Variants in CNBD1 observed in about 807,000 individuals in gnomAD.
CNBD1 encodes the protein cyclic nucleotide binding domain containing 1.
In CNBD1, 71 loss-of-function variants were observed where a neutral mutation model predicts 54.4. The ratio of observed to expected loss-of-function variants is 1.30; its 90% CI spans 1.08 to 1.59. The LOEUF (loss-of-function observed/expected upper bound fraction) is 1.59. CNBD1 is among the 40% of genes most tolerant of loss of function. CNBD1 has a pLI of 0.00. For synonymous variants in CNBD1, 182 were observed against 170.7 expected (o/e 1.07, Z -0.51); for missense variants, 659 against 518.0 (o/e 1.27, Z -2.64).
chr8:87,188,621 G>T (rs962184816), intron 4 of CNBD1, among the ~76,000 whole-genome samples: 1 of 151,856 alleles, frequency 6.6e-6, no homozygotes, highest in East Asian at 1.9e-4. Flanking sequence ...AGCTACTTGG[G>T]AGACCGAGGT....
chr8:87,328,042 A>T (rs996652745), intron 8 of CNBD1, among the ~76,000 whole-genome samples: 1 of 151,924 alleles, frequency 6.6e-6, no homozygotes, highest in East Asian at 1.9e-4. Flanking sequence ...ATAGGTATAT[A>T]TATACCATGG....
At chr8:87,161,675 A>G (rs1374265374) in intron 4 of CNBD1, among the ~76,000 whole-genome samples, 1 of 152,110 alleles carries the variant, frequency 6.6e-6, no homozygotes, top group African/African-American at 2.4e-5. Context: ...GAATTCTCTG[A>G]AGATTTTAAA....
At chr8:86,964,906 G>A (rs1004521604) in intron 4 of CNBD1, among the ~76,000 whole-genome samples, 3 of 152,066 alleles carry the variant, frequency 2.0e-5, no homozygotes, top group Admixed American at 6.5e-5. Flanking sequence ...ATAGTCCAAG[G>A]TCCCTTCACA....
At chr8:87,321,481 A>C (rs1022090112) in intron 8 of CNBD1, among the ~76,000 whole-genome samples, 1 of 152,112 alleles carries the variant, frequency 6.6e-6, no homozygotes, top group African/African-American at 2.4e-5. Flanking sequence ...CCTGTTCTAC[A>C]TTTGGATGTC....
At chr8:87,420,522 A>C (rs956075094) in intron 2 of CNBD1, among the ~76,000 whole-genome samples, 13 of 152,110 alleles carry the variant, frequency 8.5e-5, no homozygotes, top group Non-Finnish European at 1.9e-4. Flanking sequence ...ATTACATGTC[A>C]AAGTTTGCTG....
At chr8:86,952,918 GTC>G (rs748058663) in intron 4 of CNBD1, among the ~76,000 whole-genome samples, 111 of 152,224 alleles carry the variant, frequency 7.3e-4, no homozygotes, top group Non-Finnish European at 1.1e-3. Flanking sequence ...TCTGCTTTCT[GTC>G]AGTAAACTTT....
At chr8:86,940,158 G>GTA (rs10644717) in intron 4 of CNBD1, among the ~76,000 whole-genome samples, 4 of 117,978 alleles carry the variant, frequency 3.4e-5, no homozygotes, top group South Asian at 3.0e-4. Flanking sequence ...TTTTGAGACT[G>GTA]TTGCTCTTGT....
At chr8:87,406,447 T>TACACACACACACAC (rs36222951) in intron 2 of CNBD1, among the ~76,000 whole-genome samples, 2 of 122,156 alleles carry the variant, frequency 1.6e-5, no homozygotes, top group African/African-American at 7.2e-5. Flanking sequence ...TATGTGTGTA[T>TACACACACACACAC]ACACACACAC....
At chr8:87,293,794 T>G (rs1808827066) in intron 8 of CNBD1, among the ~76,000 whole-genome samples, 1 of 152,114 alleles carries the variant, frequency 6.6e-6, no homozygotes, top group Non-Finnish European at 1.5e-5. Context: ...GGAGAGAGGA[T>G]TTTTTGGATA....
chr8:87,248,028 C>A (rs1807842478), intron 6 of CNBD1, among the ~76,000 whole-genome samples: 1 of 152,158 alleles, frequency 6.6e-6, no homozygotes, highest in African/African-American at 2.4e-5. Flanking sequence ...ACCAATTTTC[C>A]TGATGTGTAA....
At chr8:87,003,776 C>A (rs1259602198) in intron 4 of CNBD1, among the ~76,000 whole-genome samples, 2 of 152,122 alleles carry the variant, frequency 1.3e-5, no homozygotes, top group Non-Finnish European at 2.9e-5. Context: ...ACTAGGGTCA[C>A]CTGCTGGCTG....
chr8:87,222,781 T>A (rs1336220657), intron 5 of CNBD1, among the ~76,000 whole-genome samples: 1 of 152,110 alleles, frequency 6.6e-6, no homozygotes, highest in Non-Finnish European at 1.5e-5. Flanking sequence ...AAACTTTCTC[T>A]AACTAGTATT....
chr8:87,014,460 A>G (rs927526657), intron 4 of CNBD1, among the ~76,000 whole-genome samples: 3 of 152,116 alleles, frequency 2.0e-5, no homozygotes, highest in Admixed American at 1.3e-4. Flanking sequence ...ATTGGTATAA[A>G]TACCCTTAAA....
intron 8 of CNBD1, among the ~76,000 whole-genome samples, chr8:87,335,711 G>C (rs563275662): frequency 3.9e-5 from 6 of 152,240 alleles, no homozygotes; most frequent in African/African-American, 1.2e-4. Context: ...TACATTTAAG[G>C]TTAATATGGT....
chr8:87,050,140 G>A (rs899220645), intron 4 of CNBD1, among the ~76,000 whole-genome samples: 1 of 152,160 alleles, frequency 6.6e-6, no homozygotes, highest in African/African-American at 2.4e-5. Context: ...TTTATAGGGT[G>A]ATACAAAGGG....
intron 4 of CNBD1, among the ~76,000 whole-genome samples, chr8:87,029,947 T>C (rs1809745414): frequency 6.6e-6 from 1 of 152,196 alleles, no homozygotes; most frequent in South Asian, 2.1e-4. Flanking sequence ...TTTTATATAG[T>C]AATGAAGTCA....
intron 8 of CNBD1, among the ~76,000 whole-genome samples, chr8:87,341,653 G>T (rs1337894410): frequency 6.6e-6 from 1 of 152,118 alleles, no homozygotes; most frequent in Non-Finnish European, 1.5e-5. Flanking sequence ...TCATAAATGG[G>T]CAAGCCCAAT....
intron 4 of CNBD1, among the ~76,000 whole-genome samples, chr8:86,971,071 A>G (rs1808209266): frequency 6.6e-6 from 1 of 152,202 alleles, no homozygotes; most frequent in Non-Finnish European, 1.5e-5. Flanking sequence ...TTTTAAATAT[A>G]TACTTTATTC....
chr8:87,215,027 C>T (rs979373511), intron 5 of CNBD1, among the ~76,000 whole-genome samples: 22 of 152,076 alleles, frequency 1.4e-4, no homozygotes, highest in African/African-American at 5.3e-4. Flanking sequence ...AACTTATATA[C>T]AAATGTTTAT....
Sources: allele counts gnomAD v4.1 joint callset (sites outside exome capture counted in the v4.1 genomes callset), GRCh38; gene constraint gnomAD v4.1.1; transcripts MANE v1.5; gene names NCBI Gene and HGNC (gene_info 2026-07-23, HGNC 2026-07-21).